CNTNAP5: variants seen among roughly 807,000 people sequenced by gnomAD.
The protein encoded by CNTNAP5 is contactin associated protein family member 5.
Under a neutral mutation model 150.2 loss-of-function variants are expected in CNTNAP5, and 72 were observed. The ratio of observed to expected loss-of-function variants is 0.48; its 90% CI spans 0.40 to 0.58. The LOEUF is 0.58. CNTNAP5 is among the 20% of genes least tolerant of loss of function. The pLI is 0.00. For synonymous variants in CNTNAP5, 672 were observed against 619.8 expected, an observed-to-expected ratio of 1.08 and a Z score of -1.25; for missense variants, 1,636 against 1,626.2, an observed-to-expected ratio of 1.01 and a Z score of -0.10.
intron 12 of CNTNAP5, among the ~76,000 whole-genome samples, chr2:124,624,854 G>A (rs1456308165): frequency 6.6e-6 from 1 of 152,160 alleles, no homozygotes; most frequent in Non-Finnish European, 1.5e-5. Context: ...AGTAGAAGCA[G>A]CTAACATTTA....
chr2:124,328,687 A>G (rs1483267785), intron 3 of CNTNAP5, among the ~76,000 whole-genome samples: 2 of 152,148 alleles, frequency 1.3e-5, no homozygotes, highest in Non-Finnish European at 2.9e-5. Context: ...TTTTTTCTGA[A>G]CAGTTCTAAT....
chr2:124,322,081 C>T (rs1417003267), intron 3 of CNTNAP5, among the ~76,000 whole-genome samples: 4 of 151,734 alleles, frequency 2.6e-5, no homozygotes, highest in Admixed American at 2.0e-4. Context: ...ACTTGGGAGG[C>T]GGAGGTTGCA....
At chr2:124,724,574 A>C (rs1448092048) in intron 13 of CNTNAP5, among the ~76,000 whole-genome samples, 1 of 151,988 alleles carries the variant, frequency 6.6e-6, no homozygotes, top group African/African-American at 2.4e-5. Context: ...GGAGATCTAA[A>C]AGTCTGAAGA....
intron 2 of CNTNAP5, 126 bp downstream of exon 2, chr2:124,221,935 G>A (rs778667447): frequency 4.8e-5 from 31 of 641,256 alleles, no homozygotes; most frequent in Non-Finnish European, 6.9e-5. Context: ...AAATATTTAC[G>A]AGGAGAGGAG....
chr2:124,836,797 G>A lies in CNTNAP5; in HGVS notation c.3218-28509G>A, dbSNP rs183610204. Among the ~76,000 whole-genome samples the A allele has an allele frequency of 2.6e-3, 389 of 152,140 alleles. 2 individuals are homozygous for A. The highest frequency in any genetic ancestry group is 8.8e-3 in the African/African-American group (364 of 41,520). On this transcript the variant is annotated intron_variant, in intron 19 of 23. Coordinates refer to ENST00000682447, the MANE Select transcript of CNTNAP5 (RefSeq NM_001367498.1). ...ATATAAATATGCTCTTGCCCAGAGAGGTCATAATCCCCACTGAACAGTGAT... is the reference window on the plus strand; with the variant it reads ...ATATAAATATGCTCTTGCCCAGAGAAGTCATAATCCCCACTGAACAGTGAT...
chr2:124,792,014 C>A (rs1262330340), intron 18 of CNTNAP5, among the ~76,000 whole-genome samples: 1 of 151,972 alleles, frequency 6.6e-6, no homozygotes, highest in Non-Finnish European at 1.5e-5. Flanking sequence ...GGAATGTGGC[C>A]GGAACTGAAA....
chr2:124,789,946 T>G lies in CNTNAP5; in HGVS notation c.2797T>G (p.Ser933Ala). Residue 933 changes from serine (S) to alanine (A), a missense_variant, in exon 18 of 24, where the codon TCC (serine) becomes GCC (alanine). Coordinates refer to ENST00000682447, the MANE Select transcript of CNTNAP5 (RefSeq NM_001367498.1). ...GAAAGGCTTCCTAGGATGCATTCGCTCCTTACACTTGAATGGACAGAAAAT... is the reference window on the plus strand; with the variant it reads ...GAAAGGCTTCCTAGGATGCATTCGCGCCTTACACTTGAATGGACAGAAAAT... The part of the protein sequence containing the change: ...RQKGFLGCIR[S>A]LHLNGQKMDL... 1 of 1,613,882 alleles carries G rather than the reference T, an allele frequency of 6.2e-7. No homozygotes were observed. The highest frequency in any genetic ancestry group is 8.5e-7 in the Non-Finnish European group (1 of 1,179,804).
intron 12 of CNTNAP5, among the ~76,000 whole-genome samples, chr2:124,616,204 C>T (rs1474020380): frequency 6.6e-6 from 1 of 152,222 alleles, no homozygotes; most frequent in Non-Finnish European, 1.5e-5. Flanking sequence ...TTCTTCTCTT[C>T]TCTACCTCTG....
intron 11 of CNTNAP5, among the ~76,000 whole-genome samples, chr2:124,571,411 A>G (rs1696148698): frequency 6.6e-6 from 1 of 152,038 alleles, no homozygotes; most frequent in Non-Finnish European, 1.5e-5. Flanking sequence ...AAACATATAA[A>G]TAAAGTACTA....
chr2:124,473,685 G>T (rs1693573727), intron 6 of CNTNAP5, among the ~76,000 whole-genome samples: 1 of 151,914 alleles, frequency 6.6e-6, no homozygotes, highest in Non-Finnish European at 1.5e-5. Context: ...AGATATAGTT[G>T]AAGTACATGC....
intron 7 of CNTNAP5, among the ~76,000 whole-genome samples, chr2:124,490,864 T>TA (rs948858338): frequency 6.6e-6 from 1 of 152,094 alleles, no homozygotes; most frequent in Non-Finnish European, 1.5e-5. Context: ...TACTCTGTTT[T>TA]AAAAAAAATT....
At chr2:124,707,116 G>T (rs1573561695) in intron 13 of CNTNAP5, among the ~76,000 whole-genome samples, 1 of 103,178 alleles carries the variant, frequency 9.7e-6, no homozygotes, top group Non-Finnish European at 2.0e-5. Flanking sequence ...AGAAGAGGAA[G>T]AAGAAGAAAG....
In CNTNAP5 at chr2:124,585,010, T is replaced by G. The variant is rs545040174; in HGVS notation, c.1756+21687T>G. Among the ~76,000 whole-genome samples, 7 of 152,332 alleles carry G rather than the reference T, an allele frequency of 4.6e-5. No individual in the cohort carries two copies. In the South Asian group the frequency reaches 1.4e-3, roughly 32 times the overall value. ...CATTATTCATAAATAGGAATACTTG[T>G]TAGCAGGCTCTTTCCCCAGAAGGCT... On this transcript the variant is annotated intron_variant, in intron 11 of 23. Transcript: ENST00000682447.
intron 1 of CNTNAP5, among the ~76,000 whole-genome samples, chr2:124,042,832 T>G (rs1261256099): frequency 7.2e-6 from 1 of 138,722 alleles, no homozygotes; most frequent in Non-Finnish European, 1.6e-5. Context: ...CTATCTATCA[T>G]CTATGTTTGA....
At chr2:124,765,236 T>C (rs1293161428) in intron 16 of CNTNAP5, among the ~76,000 whole-genome samples, 1 of 152,132 alleles carries the variant, frequency 6.6e-6, no homozygotes, top group Non-Finnish European at 1.5e-5. Context: ...GCAAAAAAAT[T>C]CTACTACAAT....
At chr2:124,727,450 ATGGCC>A (rs1242265367) in intron 13 of CNTNAP5, among the ~76,000 whole-genome samples, 1 of 151,888 alleles carries the variant, frequency 6.6e-6, no homozygotes, top group Non-Finnish European at 1.5e-5. Flanking sequence ...AATCCATGAA[ATGGCC>A]TATTTCTCTA....
intron 22 of CNTNAP5, among the ~76,000 whole-genome samples, chr2:124,905,001 T>C (rs549998699): frequency 3.2e-5 from 4 of 126,980 alleles, no homozygotes; most frequent in Admixed American, 1.8e-4. Context: ...GAAGGGTTAG[T>C]ATCCAAAGCA....
intron 1 of CNTNAP5, among the ~76,000 whole-genome samples, chr2:124,149,573 C>G (rs1318897072): frequency 6.6e-5 from 10 of 152,182 alleles, no homozygotes; most frequent in African/African-American, 2.2e-4. Flanking sequence ...CATTACTTCT[C>G]TTTAGCTAAG....
chr2:124,141,995 C>G (rs1684123178), intron 1 of CNTNAP5, among the ~76,000 whole-genome samples: 1 of 144,538 alleles, frequency 6.9e-6, no homozygotes, highest in African/African-American at 2.6e-5. Flanking sequence ...CAATCCTAGT[C>G]TCTGATAAAA....
Sources: allele counts gnomAD v4.1 joint callset (sites outside exome capture counted in the v4.1 genomes callset), GRCh38; gene constraint gnomAD v4.1.1; transcripts MANE v1.5; gene names NCBI Gene and HGNC (gene_info 2026-07-23, HGNC 2026-07-21).